The following CDK12 variants were observed in gnomAD, a reference collection of about 807,000 sequenced individuals.
CDK12 encodes cyclin dependent kinase 12.
CDK12 carries 17 observed loss-of-function variants against 133.8 expected under a neutral mutation model. The observed-to-expected ratio is 0.13, with a 90% CI of 0.09 to 0.19. The LOEUF (loss-of-function observed/expected upper bound fraction) is 0.19. Among genes scored for constraint, CDK12 ranks in the 10% least tolerant of loss-of-function variants. The pLI is 1.00. For synonymous variants in CDK12, 694 were observed against 683.6 expected (o/e 1.02, Z -0.24); for missense variants, 1,508 against 1,818.7 (o/e 0.83, Z 3.11).
At chr17:39,513,167 G>C (rs1252188333) in intron 8 of CDK12, among the ~76,000 whole-genome samples, 1 of 152,132 alleles carries the variant, frequency 6.6e-6, no homozygotes, top group Non-Finnish European at 1.5e-5. Flanking sequence ...TTTGTGTGTT[G>C]GGGCATGGAT....
chr17:39,553,071 G>T (rs1406990384), intron 2 of CDK12, among the ~76,000 whole-genome samples: 1 of 152,054 alleles, frequency 6.6e-6, no homozygotes, highest in Non-Finnish European at 1.5e-5. Context: ...CGGGGAAGAG[G>T]GATGACTTGA....
chr17:39,526,639 G>A (rs557038524), intron 13 of CDK12, among the ~76,000 whole-genome samples: 62 of 152,298 alleles, frequency 4.1e-4, no homozygotes, highest in Admixed American at 3.9e-3. Flanking sequence ...TGAACTGTGT[G>A]TGGTGGCCAA....
rs560405412 is a variant in CDK12 at position 39,532,206 on chromosome 17, G to A, written c.*890G>A. ...AGGCATTTGTTTGGAAAAAATCGTT[G>A]AGATGCCCAAGAACCTGGGATAATT... On this transcript the variant is annotated 3_prime_UTR_variant, in exon 14 of 14. Transcript: ENST00000447079. 4.3e-6 allele frequency: 1 copy of A among 232,640 alleles called. No homozygotes were observed. Among genetic ancestry groups the A allele is most frequent in the African/African-American group, 2.2e-5 (1 of 45,084 alleles). The allele number at this position is 232,640 out of a possible 1,614,324, so 14.4% of individuals were successfully genotyped here.
intron 3 of CDK12, among the ~76,000 whole-genome samples, chr17:39,563,417 G>T (rs2056453747): frequency 1.5e-5 from 2 of 137,580 alleles, no homozygotes; most frequent in African/African-American, 2.7e-5. Context: ...CTTTTTACTT[G>T]TTTCCATTTC....
chr17:39,535,347 G>A (rs2055084560), downstream of CDK12, among the ~76,000 whole-genome samples: 1 of 152,198 alleles, frequency 6.6e-6, no homozygotes, highest in Non-Finnish European at 1.5e-5. Context: ...TTAGAAGGAA[G>A]TTGAGTTCAA....
At chr17:39,535,054 A>G (rs964939771), downstream of CDK12, 1 of 152,230 alleles carries the variant, frequency 6.6e-6, no homozygotes, top group Non-Finnish European at 1.5e-5. Context: ...CCAATCCAGA[A>G]AGTGAATCAA....
In CDK12 at chr17:39,533,538, A is replaced by G. The variant is rs949125431; in HGVS notation, c.*2222A>G. 4.7e-5 allele frequency: 11 copies of G among 233,056 alleles called. No individual in the cohort carries two copies. The highest frequency in any genetic ancestry group is 6.8e-5 in the Non-Finnish European group (8 of 117,954). 14.4% of individuals were successfully genotyped at this position (233,056 alleles called of 1,614,324 possible). ...ATCAAATATGAATAAAATTCTCTAT[A>G]TATTTCATTGTATTTTGGTTATCAG... On this transcript the variant is annotated 3_prime_UTR_variant, in exon 14 of 14. Transcript: ENST00000447079.
chr17:39,555,809 C>T (rs2056133147), intron 2 of CDK12, among the ~76,000 whole-genome samples: 1 of 147,696 alleles, frequency 6.8e-6, no homozygotes, highest in South Asian at 2.2e-4. Context: ...GCCTGGGAAA[C>T]ATAGTGAAAC....
rs188692885 is a variant in CDK12 at position 39,503,058 on chromosome 17, G to A, written c.2609+1619G>A. 3.1e-4 allele frequency among the ~76,000 whole-genome samples: 47 copies of A among 152,230 alleles called. No individual in the cohort carries two copies. The Middle Eastern group carries it at 0.01, about 33-fold the overall frequency. ...CAATCCACTACACTCCAGTCCAGGT[G>A]ACAGAGCAAGACTCCATCTCAAAAA... On this transcript the variant is annotated intron_variant, in intron 6 of 13. Transcript: ENST00000447079.
chr17:39,563,197 T>TCA (rs971816426), intron 3 of CDK12, among the ~76,000 whole-genome samples: 1 of 151,554 alleles, frequency 6.6e-6, no homozygotes, highest in African/African-American at 2.4e-5. Context: ...ACACACACAC[T>TCA]CACACACACG....
chr17:39,503,409 T>C (rs1209231526), intron 6 of CDK12, among the ~76,000 whole-genome samples: 1 of 152,152 alleles, frequency 6.6e-6, no homozygotes, highest in African/African-American at 2.4e-5. Context: ...CTCTGACTCA[T>C]AATTCCCAGT....
chr17:39,513,439 T>C (rs558553468), intron 8 of CDK12, among the ~76,000 whole-genome samples: 2 of 152,322 alleles, frequency 1.3e-5, no homozygotes, highest in South Asian at 2.1e-4. Context: ...AATAAAGCTT[T>C]AGTTAAATTT....
intron 3 of CDK12, among the ~76,000 whole-genome samples, chr17:39,491,730 T>A (rs1474401528): frequency 7.1e-6 from 1 of 141,650 alleles, no homozygotes; most frequent in African/African-American, 2.6e-5. Context: ...TGAGACAGAG[T>A]CTCCCTCTGT....
At position 39,479,940 on chromosome 17, in the gene CDK12, T is replaced by A. The variant is rs564070049; in HGVS notation, c.1931+8177T>A. ...CTGCACTGGCTTTTTTTTTTTTTTT[T>A]AAGACAGAGTTTTGCTCTTGTTGCC... is the stretch of plus-strand genomic sequence containing the variant. On this transcript the variant is annotated intron_variant, in intron 2 of 13. Transcript: ENST00000447079. Among the ~76,000 whole-genome samples, 36 of 105,326 alleles carry A rather than the reference T, an allele frequency of 3.4e-4. No individual in the cohort carries two copies. In the East Asian group the frequency reaches 8.8e-3, roughly 26 times the overall value. The allele number at this position is 105,326 out of a possible 152,430, so 69.1% of individuals were successfully genotyped here.
chr17:39,490,381 AAAATT>A (rs1213890233), intron 2 of CDK12, among the ~76,000 whole-genome samples, 171 bp from the exon 3 acceptor site: 1 of 152,034 alleles, frequency 6.6e-6, no homozygotes, highest in Non-Finnish European at 1.5e-5. Context: ...AAAAAAGAAA[AAAATT>A]AAGTATCTTT....
At chr17:39,518,068 C>A (rs2053926252) in intron 10 of CDK12, among the ~76,000 whole-genome samples, 1 of 151,970 alleles carries the variant, frequency 6.6e-6, no homozygotes, top group Admixed American at 6.6e-5. Flanking sequence ...ACCTCTGCCC[C>A]CCAAGTTCAA....
chr17:39,514,061 CT>C (rs1368507633), intron 8 of CDK12, among the ~76,000 whole-genome samples: 2 of 151,206 alleles, frequency 1.3e-5, no homozygotes, highest in South Asian at 2.1e-4. Context: ...TTAAATTTTA[CT>C]TTTTTTTTCT....
rs187451293 is a variant in CDK12 at position 39,522,103 on chromosome 17, G to T, written c.3095+2016G>T. ...GCAGAGATAGTCCCAGTTTTTTGGG[G>T]TTTTTTTTGTTATTATTTTTTTTGA... On this transcript the variant is annotated intron_variant, in intron 11 of 13. Coordinates refer to ENST00000447079, the MANE Select transcript of CDK12 (RefSeq NM_016507.4). 2.7e-3 allele frequency among the ~76,000 whole-genome samples: 406 copies of T among 151,524 alleles called. 1 individual carries two copies. The highest frequency in any genetic ancestry group is 8.1e-3 in the African/African-American group (334 of 41,290).
upstream of CDK12, among the ~76,000 whole-genome samples, chr17:39,547,008 T>C (rs36025330): frequency 0.052 from 7,863 of 152,120 alleles, 668 homozygotes; most frequent in African/African-American, 0.18. Context: ...AGTAAACAGA[T>C]GGTATTTGGT....
Sources: allele counts gnomAD v4.1 joint callset (sites outside exome capture counted in the v4.1 genomes callset), GRCh38; gene constraint gnomAD v4.1.1; transcripts MANE v1.5; gene names NCBI Gene and HGNC (gene_info 2026-07-23, HGNC 2026-07-21).